The following CAMSAP2 variants were observed in gnomAD, a reference collection of about 807,000 sequenced individuals.
CAMSAP2 encodes the protein calmodulin regulated spectrin associated protein family member 2.
CAMSAP2 carries 26 observed loss-of-function variants against 146.1 expected under a neutral mutation model. That is an observed-to-expected ratio of 0.18 (90% CI 0.13 to 0.25). The LOEUF is 0.25. CAMSAP2 is among the 10% of genes least tolerant of loss of function. The pLI, the probability that CAMSAP2 is intolerant of heterozygous loss-of-function variation, is 1.00. For missense variants in CAMSAP2, 1,381 were observed against 1,759.3 expected (o/e 0.78, Z 3.85); for synonymous variants, 499 against 596.6 (o/e 0.84, Z 2.38).
At chr1:200,823,627 CG>C (rs1666830288) in intron 4 of CAMSAP2, among the ~76,000 whole-genome samples, 1 of 152,070 alleles carries the variant, frequency 6.6e-6, no homozygotes, top group Admixed American at 6.6e-5. Context: ...TATTGTATCA[CG>C]GGGTACATGA....
At chr1:200,829,197 T>C (rs1490089032) in intron 4 of CAMSAP2, among the ~76,000 whole-genome samples, 4 of 152,106 alleles carry the variant, frequency 2.6e-5, no homozygotes, top group Non-Finnish European at 5.9e-5. Context: ...TAGCTTCTCA[T>C]TAATTTAAAT....
intron 4 of CAMSAP2, among the ~76,000 whole-genome samples, chr1:200,816,992 A>G (rs1454767551): frequency 9.5e-5 from 13 of 136,618 alleles, no homozygotes; most frequent in Admixed American, 2.8e-4. Context: ...ACACATATAT[A>G]CATATATGTG....
At position 200,849,076 on chromosome 1, in the gene CAMSAP2, G is replaced by T. The variant is rs1014797378; in HGVS notation, c.2307G>T (p.Lys769Asn). The T allele has an allele frequency of 1.9e-6, 3 of 1,613,968 alleles. No individual in the cohort carries two copies. In the African/African-American group the frequency reaches 4.0e-5, roughly 22 times the overall value. Reference protein sequence around the residue: ...EKRRAIEAQKKKMEAAFTKQR... With the variant: ...EKRRAIEAQKNKMEAAFTKQR... ...GGCGTGCTATAGAAGCCCAGAAAAA[G>T]AAAATGGAAGCTGCTTTTACCAAAC... The change falls in exon 11 of 17, where the codon AAG (lysine) becomes AAT (asparagine). Residue 769 changes from lysine (K) to asparagine (N), a missense_variant. Transcript: ENST00000358823. The surrounding 1 kb of genome is among the most constrained non-coding windows in gnomAD (Gnocchi z 6.3).
intron 2 of CAMSAP2, among the ~76,000 whole-genome samples, chr1:200,789,591 G>A (rs1338319585): frequency 2.6e-5 from 4 of 152,178 alleles, no homozygotes; most frequent in Non-Finnish European, 5.9e-5. Context: ...AAGGTGGGTA[G>A]CATCAGTTCT....
At position 200,739,847 on chromosome 1, in the gene CAMSAP2, C is replaced by G; in HGVS notation, c.20C>G (p.Pro7Arg). 6.2e-7 allele frequency: 1 copy of G among 1,614,090 alleles called. No individual in the cohort carries two copies. The highest frequency in any genetic ancestry group is 1.3e-5 in the African/African-American group (1 of 75,046). The change falls in exon 1 of 17, where the codon CCC becomes CGC. Residue 7 changes from proline to arginine, a missense_variant. By Grantham distance (103) the Pro-to-Arg change is moderately radical. This residue lies in a region of CAMSAP2 where 284 missense variants were observed against 406.9 expected (regional missense o/e 0.70). Transcript: ENST00000358823. The surrounding 1 kb of genome is among the most constrained non-coding windows in gnomAD (Gnocchi z 4.8). MGDAAD[P>R]REMRKTFIVP... Reference sequence around the variant, plus strand: ...TGAAAGATGGGGGATGCTGCAGACCCCAGGGAGATGAGAAAGACGTTCATT... The same window carrying G: ...TGAAAGATGGGGGATGCTGCAGACCGCAGGGAGATGAGAAAGACGTTCATT...
intron 1 of CAMSAP2, among the ~76,000 whole-genome samples, chr1:200,754,882 G>A (rs1664607223): frequency 6.6e-6 from 1 of 151,924 alleles, no homozygotes; most frequent in African/African-American, 2.4e-5. Flanking sequence ...GCGCCTGGCC[G>A]AAAGAGCTTT....
chr1:200,800,991 C>T (rs1002557392), intron 2 of CAMSAP2, among the ~76,000 whole-genome samples: 3 of 152,142 alleles, frequency 2.0e-5, no homozygotes, highest in South Asian at 2.1e-4. Flanking sequence ...TGAGGCCTGA[C>T]GCAGTGGCTC....
rs142655997 is a variant in CAMSAP2, at chr1:200,855,882, A to C, written c.3897-128A>C. 5,284 of 634,054 alleles carry C rather than the reference A, an allele frequency of 8.3e-3. 40 individuals carry two copies. Among genetic ancestry groups the C allele is most frequent in the Middle Eastern group, 0.021 (49 of 2,334 alleles). The allele number at this position is 634,054 out of a possible 1,614,324, so 39.3% of individuals were successfully genotyped here. A position where few individuals can be genotyped will look rare whatever the true frequency, so the allele number is the denominator to read the frequency against. On this transcript the variant is annotated intron_variant, in intron 14 of 16. Coordinates refer to ENST00000358823, the MANE Select transcript of CAMSAP2 (RefSeq NM_203459.4). ...AGTGCTGGGATTACAGGCATGAGCC[A>C]CCGCGCCCGGCCTTATCATATTATT...
intron 11 of CAMSAP2, 74 bp from the exon 12 acceptor site, chr1:200,852,467 G>A (rs1305906291): frequency 2.0e-6 from 3 of 1,523,340 alleles, no homozygotes; most frequent in South Asian, 2.5e-5. Flanking sequence ...ACCACAAAAT[G>A]TGACTACAAC....
At chr1:200,813,422 C>G (rs540016450) in intron 3 of CAMSAP2, among the ~76,000 whole-genome samples, 2 of 152,202 alleles carry the variant, frequency 1.3e-5, no homozygotes, top group Non-Finnish European at 2.9e-5. Flanking sequence ...ATAGATCTTC[C>G]TGCTCCCATT....
intron 1 of CAMSAP2, among the ~76,000 whole-genome samples, chr1:200,742,245 C>T (rs1016408221): frequency 1.3e-5 from 2 of 152,124 alleles, no homozygotes; most frequent in Non-Finnish European, 2.9e-5. Context: ...GAAAAATGTG[C>T]ACATAGTACA....
At chr1:200,764,036 A>G (rs1255786300) in intron 2 of CAMSAP2, among the ~76,000 whole-genome samples, 2 of 152,146 alleles carry the variant, frequency 1.3e-5, no homozygotes, top group Admixed American at 1.3e-4. Flanking sequence ...GCGCCACTGC[A>G]CTCCAGCCCA....
chr1:200,809,672 A>G (rs1297950420), intron 3 of CAMSAP2, among the ~76,000 whole-genome samples: 1 of 152,204 alleles, frequency 6.6e-6, no homozygotes, highest in African/African-American at 2.4e-5. Context: ...CGGAGGTTGC[A>G]GTGAGCCGAG....
intron 3 of CAMSAP2, among the ~76,000 whole-genome samples, chr1:200,814,623 AAAAAAAAAAAAC>A (rs1174969756): frequency 8.5e-5 from 12 of 141,758 alleles, no homozygotes; most frequent in Admixed American, 3.7e-4. Flanking sequence ...AAAAAAAAAA[AAAAAAAAAAAAC>A]AAGAAGAAGA....
rs1274117018 is a variant in CAMSAP2 at position 200,848,700 on chromosome 1, C to A, written c.1931C>A (p.Ser644Tyr). 1.8e-5 allele frequency: 29 copies of A among 1,613,924 alleles called. No individual in the cohort carries two copies. The Admixed American group carries it at 4.7e-4, about 26-fold the overall frequency. Residue 644 changes from serine to tyrosine, a missense_variant, in exon 11 of 17, where the codon TCT becomes TAT. Ser to Tyr is a moderately radical substitution (Grantham distance 144). Around this residue, in one of 4 missense-constraint regions of CAMSAP2, gnomAD observed 447 missense variants for 462.2 expected, o/e 0.97. Coordinates refer to ENST00000358823, the MANE Select transcript of CAMSAP2 (RefSeq NM_203459.4). ...VSLDSDMDDASKFLQDYDIRT... is the reference protein window; with the variant it reads ...VSLDSDMDDAYKFLQDYDIRT... ...TTGGACTCTGACATGGATGATGCAT[C>A]TAAATTTCTTCAGGATTATGATATT...
intron 2 of CAMSAP2, 28 bp from the exon 3 acceptor site, chr1:200,807,348 A>G (rs1256299687): frequency 5.3e-5 from 76 of 1,429,086 alleles, no homozygotes; most frequent in Non-Finnish European, 6.9e-5. Flanking sequence ...TAATTTTTAA[A>G]CTATTTGTTC....
chr1:200,820,496 C>T (rs1363298717), intron 4 of CAMSAP2, among the ~76,000 whole-genome samples: 1 of 152,206 alleles, frequency 6.6e-6, no homozygotes, highest in Non-Finnish European at 1.5e-5. Flanking sequence ...ATCCACAGAG[C>T]TCTAATTGCT....
intron 2 of CAMSAP2, among the ~76,000 whole-genome samples, chr1:200,795,977 T>C (rs1053510894): frequency 7.2e-5 from 11 of 152,200 alleles, no homozygotes; most frequent in African/African-American, 2.7e-4. Context: ...CCAAATAAAA[T>C]AAAAATAGCA....
intron 2 of CAMSAP2, among the ~76,000 whole-genome samples, chr1:200,776,369 G>A (rs1246021746): frequency 6.6e-6 from 1 of 152,196 alleles, no homozygotes; most frequent in African/African-American, 2.4e-5. Context: ...CAAGTAAAAG[G>A]GCTGTTTTTG....
Sources: gnomAD v4.1 joint callset for allele counts (sites outside exome capture counted in the v4.1 genomes callset) on GRCh38, gnomAD v4.1.1 for gene constraint, gnomAD v4.1.1 regional missense constraint, Gnocchi (gnomAD v3.1) non-coding constraint, MANE v1.5 for transcripts, NCBI Gene and HGNC (gene_info 2026-07-23, HGNC 2026-07-21) for gene names.